Variants in LCP1 observed in about 807,000 individuals in gnomAD.
LCP1 encodes plastin-2.
Under a neutral mutation model 72.0 loss-of-function variants are expected in LCP1, and 23 were observed. The ratio of observed to expected loss-of-function variants is 0.32; its 90% CI spans 0.23 to 0.45. The LOEUF (loss-of-function observed/expected upper bound fraction) is 0.45, where lower values mean the gene tolerates loss of function less well. Among genes scored for constraint, LCP1 ranks in the 20% least tolerant of loss-of-function variants. The probability of loss-of-function intolerance (pLI) is 1.00; values close to 1 mark genes in which losing one functional copy is unlikely to be tolerated. For synonymous variants in LCP1, 245 were observed against 275.4 expected (o/e 0.89, Z 1.09); for missense variants, 571 against 748.3 (o/e 0.76, Z 2.76).
intron 12 of LCP1, 73 bp from the exon 13 acceptor site, chr13:46,142,498 A>T: frequency 6.7e-7 from 1 of 1,482,922 alleles, no homozygotes; most frequent in Non-Finnish European, 9.2e-7. Flanking sequence ...AATAATAAAA[A>T]TAAAGATAAA....
At chr13:46,154,298 T>G (rs1039382094) in intron 6 of LCP1, among the ~76,000 whole-genome samples, 4 of 152,232 alleles carry the variant, frequency 2.6e-5, no homozygotes, top group African/African-American at 9.6e-5. Context: ...ATTATGATAA[T>G]GTTAAAATAT....
At chr13:46,158,193 T>C (rs557868133) in intron 4 of LCP1, among the ~76,000 whole-genome samples, 1 of 152,356 alleles carries the variant, frequency 6.6e-6, no homozygotes, top group African/African-American at 2.4e-5. Context: ...ACATAATTTT[T>C]TGATCACTTA....
At chr13:46,155,278 T>C (rs2045793476) in intron 5 of LCP1, among the ~76,000 whole-genome samples, 1 of 150,004 alleles carries the variant, frequency 6.7e-6, no homozygotes, top group African/African-American at 2.5e-5. Flanking sequence ...TCTGAGCTTA[T>C]TATTGTCTAC....
At chr13:46,181,355 T>G (rs777779798) in intron 1 of LCP1, among the ~76,000 whole-genome samples, 18 of 152,262 alleles carry the variant, frequency 1.2e-4, no homozygotes, top group Non-Finnish European at 1.6e-4. Flanking sequence ...CCATATCAAC[T>G]GTGTAAAAAT....
At chr13:46,180,247 G>A (rs2045950074) in intron 1 of LCP1, among the ~76,000 whole-genome samples, 1 of 152,150 alleles carries the variant, frequency 6.6e-6, no homozygotes, top group Admixed American at 6.5e-5. Flanking sequence ...AGGTAGCTGA[G>A]AGGATTAAAC....
At chr13:46,146,765 A>T (rs1052181420) in intron 10 of LCP1, 143 bp downstream of exon 10, 2 of 802,922 alleles carry the variant, frequency 2.5e-6, no homozygotes, top group Non-Finnish European at 4.2e-6. Flanking sequence ...GAATCTATTT[A>T]TTCTCTTTGT....
intron 14 of LCP1, among the ~76,000 whole-genome samples, chr13:46,133,333 A>C (rs532827055): frequency 6.6e-6 from 1 of 152,338 alleles, no homozygotes; most frequent in South Asian, 2.1e-4. Context: ...GGACATAAAG[A>C]TGGGAATAAG....
intron 1 of LCP1, among the ~76,000 whole-genome samples, chr13:46,164,318 A>G (rs911670839): frequency 6.6e-6 from 1 of 152,252 alleles, no homozygotes; most frequent in African/African-American, 2.4e-5. Flanking sequence ...AAAAATATCT[A>G]AAGATCATGG....
In LCP1 at chr13:46,142,288, C is replaced by T. The variant is rs368233787; in HGVS notation, c.1502+4G>A. ...GAAAAAGCCACTTCCATAAGCTATA[C>T]TACCTTCTCATTAGCTGCCAAATCA... On this transcript the variant is annotated splice_donor_region_variant and intron_variant, in intron 13 of 15. Coordinates refer to ENST00000323076, the MANE Select transcript of LCP1 (RefSeq NM_002298.5). 3.0e-5 allele frequency: 49 copies of T among 1,613,264 alleles called. No homozygotes were observed. Among genetic ancestry groups the T allele is most frequent in the Non-Finnish European group, 4.0e-5 (47 of 1,179,468 alleles).
At chr13:46,178,453 C>A (rs562255336) in intron 1 of LCP1, among the ~76,000 whole-genome samples, 1 of 152,120 alleles carries the variant, frequency 6.6e-6, no homozygotes, top group East Asian at 1.9e-4. Flanking sequence ...GGGAACACCA[C>A]GGCCACAGCA....
At chr13:46,140,072 A>C (rs2045688282) in intron 13 of LCP1, among the ~76,000 whole-genome samples, 1 of 152,202 alleles carries the variant, frequency 6.6e-6, no homozygotes, top group South Asian at 2.1e-4. Flanking sequence ...AGGAGGAGAA[A>C]ACCCAAACAG....
chr13:46,157,011 G>C (rs1014566261), intron 4 of LCP1, among the ~76,000 whole-genome samples: 1 of 151,572 alleles, frequency 6.6e-6, no homozygotes, highest in African/African-American at 2.4e-5. Flanking sequence ...TAGTAGAGAC[G>C]GGGTTTCATC....
intron 1 of LCP1, among the ~76,000 whole-genome samples, chr13:46,179,426 A>T (rs983539048): frequency 3.9e-5 from 6 of 152,226 alleles, no homozygotes; most frequent in Non-Finnish European, 8.8e-5. Flanking sequence ...TAGTATCTAC[A>T]TGTGCCAGGA....
At chr13:46,148,285 A>G in intron 9 of LCP1, 67 bp downstream of exon 9, 1 of 1,117,942 alleles carries the variant, frequency 8.9e-7, no homozygotes, top group Non-Finnish European at 1.3e-6. Context: ...GGGCCACACA[A>G]GGTAATGGAA....
At chr13:46,173,825 CAGTGGAA>C in intron 1 of LCP1, among the ~76,000 whole-genome samples, 1 of 152,166 alleles carries the variant, frequency 6.6e-6, no homozygotes, top group Non-Finnish European at 1.5e-5. Flanking sequence ...TGAGTACTGA[CAGTGGAA>C]AGTACCTTCT....
At position 46,143,323 on chromosome 13, in the gene LCP1, C is replaced by T. The variant is rs770350377; in HGVS notation, c.1335G>A (p.Pro445=). 36 of 1,613,622 alleles carry T rather than the reference C, an allele frequency of 2.2e-5. No individual in the cohort carries two copies. In the East Asian group the frequency reaches 5.6e-4, roughly 25 times the overall value. Residue 445 remains proline, a synonymous_variant, in exon 12 of 16, where the codon CCG becomes CCA. Transcript: ENST00000323076. ...VPVDWNRVNK[P]PYPKLGGNMK... is the part of the protein sequence containing the mutation. ...TATTGCCTCCCAGTTTGGGGTATGG[C>T]GGTTTGTTTACTCTGTTCCAGTCAA...
intron 4 of LCP1, 127 bp downstream of exon 4, chr13:46,158,395 C>T (rs2045816558): frequency 9.6e-7 from 1 of 1,038,910 alleles, no homozygotes. Flanking sequence ...CACTTAGTCA[C>T]AGGAAAATTG....
chr13:46,156,179 GTATAAC>G (rs1220151596), intron 5 of LCP1, among the ~76,000 whole-genome samples: 2 of 151,976 alleles, frequency 1.3e-5, no homozygotes, highest in African/African-American at 2.4e-5. Context: ...TTTTGACTTG[GTATAAC>G]TATATCTTCC....
chr13:46,167,655 C>T (rs1274499297), intron 1 of LCP1, among the ~76,000 whole-genome samples: 2 of 152,180 alleles, frequency 1.3e-5, no homozygotes, highest in South Asian at 2.1e-4. Context: ...GCTCAGAGTA[C>T]CCCAAATGCA....
Sources: allele counts gnomAD v4.1 joint callset (sites outside exome capture counted in the v4.1 genomes callset), GRCh38; gene constraint gnomAD v4.1.1; transcripts MANE v1.5; gene names NCBI Gene and HGNC (gene_info 2026-07-23, HGNC 2026-07-21).